Variants in FCRL2 observed in about 807,000 individuals in gnomAD.
The protein encoded by FCRL2 is Fc receptor-like protein 2.
In FCRL2, 48 loss-of-function variants were observed where a neutral mutation model predicts 59.8. That is an observed-to-expected ratio of 0.80 (90% CI 0.64 to 1.02). The LOEUF is 1.02. Ranked by LOEUF, FCRL2 falls within the 50% of genes least tolerant of loss-of-function variation. The pLI is 0.00. For synonymous variants in FCRL2, 251 were observed against 229.5 expected, an observed-to-expected ratio of 1.09 and a Z score of -0.85; for missense variants, 658 against 597.3, an observed-to-expected ratio of 1.10 and a Z score of -1.06.
chr1:157,758,114 G>T (rs1241997202), intron 7 of FCRL2, among the ~76,000 whole-genome samples: 2 of 152,304 alleles, frequency 1.3e-5, no homozygotes, highest in South Asian at 4.1e-4. Flanking sequence ...TTGAAGATGG[G>T]CTTGGTGTAT....
At chr1:157,771,086 C>T (rs749438267) in intron 2 of FCRL2, among the ~76,000 whole-genome samples, 10 of 152,216 alleles carry the variant, frequency 6.6e-5, no homozygotes, top group South Asian at 2.1e-4. Context: ...AGGGTTCCAC[C>T]GTCATGACCT....
At chr1:157,768,311 A>C in intron 5 of FCRL2, 103 bp downstream of exon 5, 2 of 1,251,044 alleles carry the variant, frequency 1.6e-6, no homozygotes, top group Non-Finnish European at 2.2e-6. Context: ...TTGGTTCTCC[A>C]CAGCACTAAT....
intron 7 of FCRL2, among the ~76,000 whole-genome samples, chr1:157,758,702 A>AT (rs1306402250): frequency 1.3e-4 from 20 of 148,586 alleles, no homozygotes; most frequent in Non-Finnish European, 2.4e-4. Flanking sequence ...AAAAAAAAAA[A>AT]CAAAGCTGGA....
chr1:157,775,485 C>A (rs1357665134), intron 2 of FCRL2, among the ~76,000 whole-genome samples: 1 of 152,220 alleles, frequency 6.6e-6, no homozygotes, highest in Admixed American at 6.5e-5. Context: ...GAAAACAATT[C>A]TCTCCAAATT....
chr1:157,753,898 C>A (rs1648386765), intron 7 of FCRL2, among the ~76,000 whole-genome samples: 1 of 151,926 alleles, frequency 6.6e-6, no homozygotes, highest in Admixed American at 6.6e-5. Flanking sequence ...GAACTAGGGA[C>A]AAAGACCAAA....
intron 7 of FCRL2, among the ~76,000 whole-genome samples, chr1:157,754,752 G>A (rs1004192439): frequency 2.0e-5 from 3 of 152,064 alleles, no homozygotes; most frequent in Non-Finnish European, 4.4e-5. Flanking sequence ...GATCACTTGA[G>A]CTCAAGAGTT....
chr1:157,768,351 C>T, intron 5 of FCRL2, 63 bp downstream of exon 5: 2 of 1,541,136 alleles, frequency 1.3e-6, no homozygotes, highest in Non-Finnish European at 1.8e-6. Context: ...TTCCTCAGGA[C>T]ACATGTGTAT....
chr1:157,772,253 G>A (rs536682987), intron 2 of FCRL2, among the ~76,000 whole-genome samples: 13 of 152,182 alleles, frequency 8.5e-5, no homozygotes, highest in African/African-American at 3.1e-4. Flanking sequence ...GACGAGTCAT[G>A]ATTAGAGACA....
At chr1:157,756,318 G>C (rs753959902) in intron 7 of FCRL2, among the ~76,000 whole-genome samples, 3 of 152,156 alleles carry the variant, frequency 2.0e-5, no homozygotes, top group Non-Finnish European at 4.4e-5. Context: ...AATTGAGGTG[G>C]TCCCAATTAA....
At chr1:157,749,540 A>G in intron 8 of FCRL2, 110 bp downstream of exon 8, 3 of 736,834 alleles carry the variant, frequency 4.1e-6, no homozygotes, top group Non-Finnish European at 6.9e-6. Flanking sequence ...GAAAGATACC[A>G]TGTTAATTAC....
In FCRL2 at chr1:157,757,551, C is replaced by A. The variant is rs12058697; in HGVS notation, c.1280-7874G>T. ...TCTCTGCATGTACACAAGAAGAATTCGTGTGAGCACATAGCAAGATGGTAG... is the reference window on the plus strand; with the variant it reads ...TCTCTGCATGTACACAAGAAGAATTAGTGTGAGCACATAGCAAGATGGTAG... On this transcript the variant is annotated intron_variant, in intron 7 of 11. Coordinates refer to ENST00000361516, the MANE Select transcript of FCRL2 (RefSeq NM_030764.4). Among the ~76,000 whole-genome samples the A allele has an allele frequency of 4.5e-4, 69 of 152,190 alleles. 1 individual carries two copies. The highest frequency in any genetic ancestry group is 1.5e-5 in the Non-Finnish European group (1 of 68,016).
At position 157,746,543 on chromosome 1, in the gene FCRL2, C is replaced by A. The variant is rs1197259461; in HGVS notation, c.*193G>T. The A allele has an allele frequency of 5.0e-6, 3 of 603,516 alleles. No homozygotes were observed. The highest frequency in any genetic ancestry group is 3.7e-5 in the African/African-American group (2 of 53,782). 37.4% of individuals were successfully genotyped at this position (603,516 alleles called of 1,614,324 possible). On this transcript the variant is annotated 3_prime_UTR_variant, in exon 12 of 12. Coordinates refer to ENST00000361516, the MANE Select transcript of FCRL2 (RefSeq NM_030764.4). ...ACAGTGTCTGGATGTAGCAGCAGTTCAATGAATATTGATAGGTAAAAGAAG... is the reference window on the plus strand; with the variant it reads ...ACAGTGTCTGGATGTAGCAGCAGTTAAATGAATATTGATAGGTAAAAGAAG...
Position 157,777,118 on chromosome 1 carries a change from C to T in FCRL2, c.-45G>A, listed in dbSNP as rs368296972. The stretch of plus-strand genomic sequence containing the variant: ...TTGAAAAGAGATGTACTCTTGGTCA[C>T]CAACTGGAGACTCTGAGCAGGCGAT... On this transcript the variant is annotated 5_prime_UTR_variant, in exon 1 of 12. In the 5' UTR this introduces an upstream ATG that the reference lacks. Transcript: ENST00000361516. The T allele has an allele frequency of 5.0e-6, 8 of 1,613,972 alleles. No individual in the cohort carries two copies. The highest frequency in any genetic ancestry group is 6.8e-6 in the Non-Finnish European group (8 of 1,179,960).
At chr1:157,749,264 GTACTCTGGACATA>G (rs1481837261) in intron 8 of FCRL2, among the ~76,000 whole-genome samples, 1 of 151,198 alleles carries the variant, frequency 6.6e-6, no homozygotes, top group Non-Finnish European at 1.5e-5. Flanking sequence ...ACTCCTTCTT[GTACTCTGGACATA>G]TACTACATAC....
chr1:157,770,325 A>G, intron 3 of FCRL2, 84 bp downstream of exon 3: 1 of 1,508,742 alleles, frequency 6.6e-7, no homozygotes, highest in South Asian at 1.3e-5. Flanking sequence ...TTAGCCCATG[A>G]GCAGCTTTCC....
chr1:157,751,742 T>C (rs1648202923), intron 7 of FCRL2, among the ~76,000 whole-genome samples: 1 of 152,188 alleles, frequency 6.6e-6, no homozygotes, highest in South Asian at 2.1e-4. Flanking sequence ...AAGAAGACTT[T>C]AGATTCTTGG....
chr1:157,773,412 A>C (rs1445436748), intron 2 of FCRL2, among the ~76,000 whole-genome samples: 1 of 152,170 alleles, frequency 6.6e-6, no homozygotes, highest in African/African-American at 2.4e-5. Context: ...AGGTCATCAT[A>C]ACTGCACTTC....
intron 7 of FCRL2, among the ~76,000 whole-genome samples, chr1:157,750,107 C>T (rs1393434483): frequency 6.6e-6 from 1 of 152,174 alleles, no homozygotes; most frequent in Admixed American, 6.5e-5. Context: ...ATATTTGCAA[C>T]ACTTAGTCTT....
intron 7 of FCRL2, among the ~76,000 whole-genome samples, chr1:157,754,113 A>G (rs1047148535): frequency 1.3e-5 from 2 of 152,206 alleles, no homozygotes; most frequent in African/African-American, 4.8e-5. Flanking sequence ...CATCTTGAAC[A>G]GGAGTTGGGT....
Sources: gnomAD v4.1 joint callset for allele counts (sites outside exome capture counted in the v4.1 genomes callset) on GRCh38, gnomAD v4.1.1 for gene constraint, MANE v1.5 for transcripts, NCBI Gene and HGNC (gene_info 2026-07-23, HGNC 2026-07-21) for gene names.